Variants in TPRG1 observed in about 807,000 individuals in gnomAD.
The protein encoded by TPRG1 is tumor protein p63 regulated 1, also known as tumor protein p63-regulated gene 1 protein.
In TPRG1, 29 loss-of-function variants were observed where a neutral mutation model predicts 29.3. The observed-to-expected ratio is 0.99, with a 90% CI of 0.74 to 1.35. The LOEUF (loss-of-function observed/expected upper bound fraction) is 1.35. Ranked by LOEUF, TPRG1 falls within the 40% of genes most tolerant of loss-of-function variation. The probability of loss-of-function intolerance (pLI) is 0.00; values close to 1 mark genes in which losing one functional copy is unlikely to be tolerated. For synonymous variants in TPRG1, 130 were observed against 116.8 expected, an observed-to-expected ratio of 1.11 and a Z score of -0.73; for missense variants, 327 against 335.0, an observed-to-expected ratio of 0.98 and a Z score of 0.19.
intron 4 of TPRG1, chr3:189,240,602 A>G (rs1423700467): frequency 6.6e-6 from 1 of 152,252 alleles, no homozygotes; most frequent in Non-Finnish European, 1.5e-5. Context: ...TCCTGTTTTT[A>G]AAACCATCAG....
chr3:189,147,085 G>A (rs1187740489), intron 3 of TPRG1, among the ~76,000 whole-genome samples: 1 of 152,208 alleles, frequency 6.6e-6, no homozygotes, highest in Non-Finnish European at 1.5e-5. Flanking sequence ...TTCAGGGAGT[G>A]ACACAGCTGG....
chr3:189,211,321 G>A (rs1489148819), intron 2 of TPRG1, among the ~76,000 whole-genome samples: 5 of 152,134 alleles, frequency 3.3e-5, no homozygotes, highest in African/African-American at 9.7e-5. Context: ...CCCTGAGGCA[G>A]GATATTGCTC....
chr3:189,264,964 A>G (rs1000360957), intron 4 of TPRG1, among the ~76,000 whole-genome samples: 3 of 152,256 alleles, frequency 2.0e-5, no homozygotes, highest in African/African-American at 2.4e-5. Context: ...ATCACCCAGC[A>G]TGAAGATAAG....
At chr3:189,152,802 C>G (rs972951002) in intron 5 of TPRG1, among the ~76,000 whole-genome samples, 5 of 150,774 alleles carry the variant, frequency 3.3e-5, no homozygotes, top group African/African-American at 1.2e-4. Context: ...GGATTGCTAC[C>G]TGCCATTATT....
chr3:189,271,188 A>G (rs1715064782), intron 4 of TPRG1, among the ~76,000 whole-genome samples: 2 of 152,184 alleles, frequency 1.3e-5, no homozygotes, highest in Non-Finnish European at 2.9e-5. Flanking sequence ...GGCGTTTTCT[A>G]CTGTAACACA....
chr3:189,227,286 C>G (rs1483597223), intron 3 of TPRG1, among the ~76,000 whole-genome samples: 2 of 152,208 alleles, frequency 1.3e-5, no homozygotes, highest in Non-Finnish European at 2.9e-5. Context: ...TAGCCCTGTC[C>G]TGTTCTCAGG....
chr3:189,080,763 T>C (rs1717538604), intron 4 of TPRG1, among the ~76,000 whole-genome samples: 1 of 151,926 alleles, frequency 6.6e-6, no homozygotes, highest in African/African-American at 2.4e-5. Context: ...GAGGCCATCC[T>C]GGGTTGATTA....
At chr3:189,117,600 A>G (rs989158544) in intron 1 of TPRG1, among the ~76,000 whole-genome samples, 7 of 152,172 alleles carry the variant, frequency 4.6e-5, no homozygotes, top group African/African-American at 1.7e-4. Flanking sequence ...GTCCTGTGTC[A>G]TGGGAGGGAC....
chr3:189,313,915 G>A (rs1723084018), intron 5 of TPRG1, among the ~76,000 whole-genome samples: 1 of 152,180 alleles, frequency 6.6e-6, no homozygotes. Context: ...TTTAACTGGA[G>A]TTTAATGTTA....
chr3:189,030,433 A>C (rs1713871880), intron 4 of TPRG1, among the ~76,000 whole-genome samples: 1 of 152,226 alleles, frequency 6.6e-6, no homozygotes, highest in African/African-American at 2.4e-5. Flanking sequence ...CAAAAATCAA[A>C]ATATCAGTTT....
intron 2 of TPRG1, among the ~76,000 whole-genome samples, chr3:189,002,135 G>T (rs1712057142): frequency 6.6e-6 from 1 of 152,202 alleles, no homozygotes; most frequent in Admixed American, 6.5e-5. Flanking sequence ...TGGTTATGAA[G>T]AAAAGGATGG....
intron 4 of TPRG1, among the ~76,000 whole-genome samples, chr3:189,302,134 C>A (rs935295317): frequency 6.6e-6 from 1 of 152,152 alleles, no homozygotes; most frequent in African/African-American, 2.4e-5. Context: ...TCATCAAAAG[C>A]CTTATATCCA....
intron 3 of TPRG1, among the ~76,000 whole-genome samples, chr3:189,136,668 C>G (rs1160979704): frequency 1.3e-5 from 2 of 152,286 alleles, no homozygotes; most frequent in African/African-American, 4.8e-5. Context: ...TGCCCTGCCT[C>G]TCACTCTCGT....
At chr3:189,294,832 C>T (rs748201698) in intron 4 of TPRG1, among the ~76,000 whole-genome samples, 3 of 139,266 alleles carry the variant, frequency 2.2e-5, no homozygotes, top group South Asian at 2.4e-4. Context: ...ACACACAGCG[C>T]GCAAGCAGGA....
chr3:189,008,896 C>T (rs1390862940), intron 3 of TPRG1, among the ~76,000 whole-genome samples: 1 of 152,090 alleles, frequency 6.6e-6, no homozygotes, highest in Non-Finnish European at 1.5e-5. Context: ...TTCTATAGTG[C>T]CTAATGGCAG....
upstream of TPRG1, among the ~76,000 whole-genome samples, chr3:189,099,414 G>A (rs919953018): frequency 1.3e-5 from 2 of 152,142 alleles, no homozygotes; most frequent in African/African-American, 2.4e-5. Context: ...TGGGAAGGGG[G>A]GCAGGCAGGC....
At chr3:189,130,918 T>G (rs901167981) in intron 2 of TPRG1, among the ~76,000 whole-genome samples, 1 of 152,144 alleles carries the variant, frequency 6.6e-6, no homozygotes, top group Non-Finnish European at 1.5e-5. Context: ...CATATGTGAT[T>G]TTTGCTAACA....
intron 3 of TPRG1, among the ~76,000 whole-genome samples, chr3:189,019,255 C>T (rs2152124174): frequency 6.6e-6 from 1 of 152,136 alleles, no homozygotes; most frequent in South Asian, 2.1e-4. Context: ...CTGGCCAGAA[C>T]TTCCAACACT....
intron 4 of TPRG1, among the ~76,000 whole-genome samples, chr3:189,261,593 CAT>C (rs1237869445): frequency 5.3e-5 from 8 of 152,174 alleles, no homozygotes; most frequent in Non-Finnish European, 1.5e-5. Context: ...AGTGGCAAGA[CAT>C]AGCCTCTGCC....
Sources: gnomAD v4.1 joint callset for allele counts (sites outside exome capture counted in the v4.1 genomes callset) on GRCh38, gnomAD v4.1.1 for gene constraint, MANE v1.5 for transcripts, NCBI Gene and HGNC (gene_info 2026-07-23, HGNC 2026-07-21) for gene names.